FOXP2: variants seen among roughly 807,000 people sequenced by gnomAD.
The protein encoded by FOXP2 is forkhead box protein P2.
Under a neutral mutation model 115.8 loss-of-function variants are expected in FOXP2, and 12 were observed. The observed-to-expected ratio is 0.10, with a 90% confidence interval of 0.07 to 0.17. The LOEUF is 0.17. FOXP2 is among the 10% of genes least tolerant of loss of function. The pLI is 1.00. For synonymous variants in FOXP2, 328 were observed against 297.7 expected, an observed-to-expected ratio of 1.10 and a Z score of -1.05; for missense variants, 629 against 843.5, an observed-to-expected ratio of 0.75 and a Z score of 3.15.
chr7:114,211,866 A>G (rs1485753600), intron 1 of FOXP2, among the ~76,000 whole-genome samples: 1 of 152,086 alleles, frequency 6.6e-6, no homozygotes, highest in Non-Finnish European at 1.5e-5. Flanking sequence ...TGAGGTCAGG[A>G]GTTCGAGACC....
At chr7:114,685,600 C>T (rs1024289729) in intron 16 of FOXP2, among the ~76,000 whole-genome samples, 1 of 152,032 alleles carries the variant, frequency 6.6e-6, no homozygotes, top group African/African-American at 2.4e-5. Flanking sequence ...TAACCTATCC[C>T]TAGGGAGTAA....
At chr7:114,589,510 G>A (rs1219815507) in intron 3 of FOXP2, among the ~76,000 whole-genome samples, 1 of 152,188 alleles carries the variant, frequency 6.6e-6, no homozygotes, top group Non-Finnish European at 1.5e-5. Flanking sequence ...GAGGCTGAGA[G>A]TTAAGGCTAA....
At chr7:114,362,444 T>C (rs1775592085) in intron 2 of FOXP2, among the ~76,000 whole-genome samples, 1 of 152,008 alleles carries the variant, frequency 6.6e-6, no homozygotes, top group Non-Finnish European at 1.5e-5. Context: ...ATGTTTCAGA[T>C]GAATACTATG....
rs531891512 is a variant in FOXP2, at chr7:114,112,245, G to A, written c.-247+24407G>A. Among the ~76,000 whole-genome samples, 5 of 152,204 alleles carry A rather than the reference G, an allele frequency of 3.3e-5. No individual in the cohort carries two copies. In the East Asian group the frequency reaches 9.7e-4, roughly 29 times the overall value. On this transcript the variant is annotated intron_variant, in intron 1 of 19. Transcript: ENST00000635638. ...TCAGGCACTGAAACAGAGAATCAGT[G>A]ATGTAGGAAGTTACAATACCAGTAC... is the stretch of plus-strand genomic sequence containing the variant.
intron 1 of FOXP2, among the ~76,000 whole-genome samples, chr7:114,150,928 T>A (rs1792512542): frequency 6.6e-6 from 1 of 152,104 alleles, no homozygotes; most frequent in Admixed American, 6.6e-5. Context: ...AAATATTTAT[T>A]CACATGATGG....
chr7:114,100,635 C>T (rs942141272), intron 1 of FOXP2, among the ~76,000 whole-genome samples: 1 of 152,070 alleles, frequency 6.6e-6, no homozygotes, highest in Non-Finnish European at 1.5e-5. Context: ...GTGATTAATA[C>T]ATTTCATAGT....
intron 11 of FOXP2, among the ~76,000 whole-genome samples, chr7:114,658,497 G>A (rs1232588322): frequency 6.6e-6 from 1 of 152,176 alleles, no homozygotes; most frequent in Non-Finnish European, 1.5e-5. Context: ...TAGAGACACT[G>A]AGAGATGTCA....
intron 2 of FOXP2, among the ~76,000 whole-genome samples, chr7:114,335,554 G>T (rs1297156302): frequency 6.6e-6 from 1 of 151,734 alleles, no homozygotes; most frequent in Non-Finnish European, 1.5e-5. Context: ...TCATACATGA[G>T]ATTTATCTGT....
chr7:114,426,711 A>G, intron 2 of FOXP2, 32 bp downstream of exon 2: 1 of 1,605,690 alleles, frequency 6.2e-7, no homozygotes, highest in Non-Finnish European at 8.5e-7. Flanking sequence ...GCTTCCTTAA[A>G]ACAAATAAGC....
intron 2 of FOXP2, among the ~76,000 whole-genome samples, chr7:114,328,237 T>TC (rs201703789): frequency 0.011 from 1,530 of 140,382 alleles, 9 homozygotes; most frequent in African/African-American, 0.02. Context: ...TCTTTTCTTT[T>TC]TTTTTTTTTT....
At chr7:114,305,427 T>G (rs1046719725) in intron 2 of FOXP2, among the ~76,000 whole-genome samples, 3 of 152,178 alleles carry the variant, frequency 2.0e-5, no homozygotes, top group Admixed American at 2.0e-4. Context: ...TTAATCAGAT[T>G]TGTTTTACTC....
chr7:114,470,712 A>G (rs1796005759), intron 2 of FOXP2, among the ~76,000 whole-genome samples: 1 of 152,148 alleles, frequency 6.6e-6, no homozygotes, highest in Non-Finnish European at 1.5e-5. Flanking sequence ...ACTATACAGA[A>G]TACTTTTTAT....
chr7:114,222,135 G>A (rs987323510), intron 1 of FOXP2, among the ~76,000 whole-genome samples: 1 of 152,138 alleles, frequency 6.6e-6, no homozygotes, highest in African/African-American at 2.4e-5. Flanking sequence ...AATCCTGAAT[G>A]TTGTTTCTGA....
chr7:114,254,070 A>G (rs1795530022), intron 1 of FOXP2, among the ~76,000 whole-genome samples: 1 of 152,180 alleles, frequency 6.6e-6, no homozygotes, highest in Non-Finnish European at 1.5e-5. Context: ...TTGGCTGTAT[A>G]TGAAATTCTG....
intron 1 of FOXP2, among the ~76,000 whole-genome samples, chr7:114,089,101 A>G (rs1799490337): frequency 6.6e-6 from 1 of 152,186 alleles, no homozygotes; most frequent in South Asian, 2.1e-4. Context: ...TTGCCTAACT[A>G]GACTCATATT....
intron 2 of FOXP2, among the ~76,000 whole-genome samples, chr7:114,486,356 C>T (rs1796772912): frequency 1.3e-5 from 2 of 151,992 alleles, no homozygotes; most frequent in South Asian, 4.1e-4. Context: ...ATGGGAAAAA[C>T]CCACCCCCAT....
chr7:114,290,278 C>T (rs978442656), intron 2 of FOXP2, among the ~76,000 whole-genome samples: 2 of 151,778 alleles, frequency 1.3e-5, no homozygotes, highest in African/African-American at 4.8e-5. Context: ...CTACATAATA[C>T]TTATAACATG....
intron 2 of FOXP2, among the ~76,000 whole-genome samples, chr7:114,497,749 C>T (rs1797387554): frequency 6.6e-6 from 1 of 151,858 alleles, no homozygotes; most frequent in South Asian, 2.1e-4. Context: ...AAGAGGTATT[C>T]ATATATTTTA....
intron 1 of FOXP2, among the ~76,000 whole-genome samples, chr7:114,265,797 C>T (rs1795879797): frequency 6.6e-6 from 1 of 152,128 alleles, no homozygotes; most frequent in Admixed American, 6.5e-5. Flanking sequence ...CACCCACAGG[C>T]TTAACACCCC....
Sources: gnomAD v4.1 joint callset for allele counts (sites outside exome capture counted in the v4.1 genomes callset) on GRCh38, gnomAD v4.1.1 for gene constraint, MANE v1.5 for transcripts, NCBI Gene and HGNC (gene_info 2026-07-23, HGNC 2026-07-21) for gene names.